BEAN1: variants seen among roughly 807,000 people sequenced by gnomAD.
BEAN1 encodes protein BEAN1.
A neutral mutation model predicts 17.7 loss-of-function variants in BEAN1; 17 were observed. That is an observed-to-expected ratio of 0.96 (90% confidence interval 0.66 to 1.44). The LOEUF (loss-of-function observed/expected upper bound fraction) is 1.44, where lower values mean the gene tolerates loss of function less well. Among genes scored for constraint, BEAN1 ranks in the 40% most tolerant of loss-of-function variants. The pLI, the probability that BEAN1 is intolerant of heterozygous loss-of-function variation, is 0.00. For synonymous variants in BEAN1, 142 were observed against 151.8 expected, an observed-to-expected ratio of 0.94 and a Z score of 0.47; for missense variants, 359 against 374.1, an observed-to-expected ratio of 0.96 and a Z score of 0.33.
At chr16:66,493,247 C>A (rs1212154224) in exon 5 of BEAN1, 1 of 702,998 alleles carries the variant, frequency 1.4e-6, no homozygotes, top group Non-Finnish European at 2.6e-6. Flanking sequence ...GCTGGTGAAG[C>A]CCTGCAGCTG....
chr16:66,492,776 C>T (rs915565992), intron 4 of BEAN1, among the ~76,000 whole-genome samples: 5 of 152,148 alleles, frequency 3.3e-5, no homozygotes, highest in African/African-American at 1.2e-4. Flanking sequence ...CCTGCTTTGT[C>T]TTTGAGCCTC....
chr16:66,474,091 A>G (rs1963596656), intron 3 of BEAN1, among the ~76,000 whole-genome samples: 1 of 152,198 alleles, frequency 6.6e-6, no homozygotes, highest in Non-Finnish European at 1.5e-5. Context: ...AGGTGTCCAC[A>G]GAGGCCTGAT....
intron 3 of BEAN1, among the ~76,000 whole-genome samples, chr16:66,476,942 T>C (rs946456414): frequency 3.9e-5 from 6 of 152,050 alleles, no homozygotes; most frequent in East Asian, 1.9e-4. Context: ...CCCCTTTTTT[T>C]CCCCAAGATA....
At chr16:66,493,379 C>G (rs1964204647) in exon 5 of BEAN1, 2 of 643,736 alleles carry the variant, frequency 3.1e-6, no homozygotes, top group Non-Finnish European at 5.6e-6. Flanking sequence ...GCCCATGGCT[C>G]TGAGCCCATC....
intron 2 of BEAN1, among the ~76,000 whole-genome samples, chr16:66,447,554 A>G (rs1312330730): frequency 2.0e-5 from 3 of 152,128 alleles, no homozygotes; most frequent in Non-Finnish European, 4.4e-5. Context: ...CAGGGAGAGA[A>G]CACATCTTCT....
Position 66,470,125 on chromosome 16 carries a change from C to T in BEAN1, c.289+260C>T, listed in dbSNP as rs945736897. On this transcript the variant is annotated intron_variant, in intron 3 of 4. Transcript: ENST00000536005. Reference sequence around the variant, plus strand: ...GGAGAGTGTGTCACTCCTCCCCTGCCACTGTTGGTCCAGGCTGCACCAAGG... The same window carrying T: ...GGAGAGTGTGTCACTCCTCCCCTGCTACTGTTGGTCCAGGCTGCACCAAGG... 3 of 580,374 alleles carry T rather than the reference C, an allele frequency of 5.2e-6. No homozygotes were observed. The East Asian group carries it at 8.7e-5, about 17-fold the overall frequency. 36.0% of individuals were successfully genotyped at this position (580,374 alleles called of 1,614,324 possible). A position where few individuals can be genotyped will look rare whatever the true frequency, so the allele number is the denominator to read the frequency against.
intron 2 of BEAN1, among the ~76,000 whole-genome samples, chr16:66,455,650 T>C (rs1256465861): frequency 2.0e-5 from 3 of 151,862 alleles, no homozygotes; most frequent in African/African-American, 7.3e-5. Context: ...AGAGGTATAG[T>C]GGACAATACC....
rs538622766 is a variant in BEAN1, at chr16:66,430,836, T to G, written c.-83+3405T>G. Among the ~76,000 whole-genome samples, 164 of 152,356 alleles carry G rather than the reference T, an allele frequency of 1.1e-3. 1 individual carries two copies. Among genetic ancestry groups the G allele is most frequent in the Non-Finnish European group, 1.6e-3 (106 of 68,034 alleles). On this transcript the variant is annotated intron_variant, in intron 1 of 4. Transcript: ENST00000536005. ...TTTGACTGTTTTGTTCACTATATCC[T>G]CAGAGCCTAGACTAGTACCCAGCAC...
chr16:66,443,077 CT>C, intron 2 of BEAN1, among the ~76,000 whole-genome samples: 1 of 152,332 alleles, frequency 6.6e-6, no homozygotes, highest in East Asian at 1.9e-4. Flanking sequence ...TTGTAGCACT[CT>C]TTCCCACTGA....
chr16:66,483,303 GC>G, downstream of BEAN1: 1 of 157,944 alleles, frequency 6.3e-6, no homozygotes, highest in South Asian at 1.7e-4. Flanking sequence ...TACAGGAGTT[GC>G]TTTTTTTTTT....
At position 66,469,857 on chromosome 16, in the gene BEAN1, A is replaced by ACGGC. The variant is rs773454613; in HGVS notation, c.282_285dup (p.Tyr96ArgfsTer35). 5.8e-5 allele frequency: 89 copies of ACGGC among 1,533,626 alleles called. No individual in the cohort carries two copies. Among genetic ancestry groups the ACGGC allele is most frequent in the Non-Finnish European group, 7.3e-5 (84 of 1,146,202 alleles). On this transcript the variant is annotated frameshift_variant, in exon 3 of 5. Coordinates refer to ENST00000536005, the MANE Select transcript of BEAN1 (RefSeq NM_001178020.3). LOFTEE classifies it high-confidence loss of function. ...CGGCGTCGACACCGAGAGTACGAGC[A>ACGGC]CGGCTACGGTGAGCCGCCGCCCACC... is the stretch of plus-strand genomic sequence containing the variant.
chr16:66,446,657 G>C (rs1962467684), intron 2 of BEAN1, among the ~76,000 whole-genome samples: 1 of 152,072 alleles, frequency 6.6e-6, no homozygotes, highest in Non-Finnish European at 1.5e-5. Flanking sequence ...TGTGGGGAAG[G>C]GAAGGGTCAA....
chr16:66,475,602 C>G (rs773030794), intron 3 of BEAN1: 5 of 152,246 alleles, frequency 3.3e-5, no homozygotes, highest in Admixed American at 6.5e-5. Flanking sequence ...CCAGTCTCAC[C>G]TTGTTGCTGT....
chr16:66,437,749 C>A, intron 2 of BEAN1, 48 bp downstream of exon 2: 3 of 1,513,396 alleles, frequency 2.0e-6, no homozygotes, highest in Non-Finnish European at 2.7e-6. Flanking sequence ...CAGGCAAGGG[C>A]AGAGCTTGGA....
chr16:66,448,484 A>G (rs181027022), intron 2 of BEAN1, among the ~76,000 whole-genome samples: 86 of 152,338 alleles, frequency 5.6e-4, no homozygotes, highest in Middle Eastern at 6.8e-3. Context: ...TGCACCAACC[A>G]TCAGTGCAAG....
intron 2 of BEAN1, among the ~76,000 whole-genome samples, 185 bp from the exon 3 acceptor site, chr16:66,469,417 A>C (rs1242379647): frequency 6.6e-6 from 1 of 152,222 alleles, no homozygotes; most frequent in Non-Finnish European, 1.5e-5. Context: ...AGGCTCCTGC[A>C]GGCAGCGGAG....
At chr16:66,485,417 C>T (rs1309356627), downstream of BEAN1, 4 of 335,030 alleles carry the variant, frequency 1.2e-5, no homozygotes, top group South Asian at 9.6e-5. Context: ...CCTGCATGTC[C>T]AGGCTCTTGG....
Position 66,481,368 on chromosome 16 carries a change from C to A in BEAN1, c.*443C>A, listed in dbSNP as rs1320726469. The A allele has an allele frequency of 4.8e-5, 19 of 398,266 alleles. No individual in the cohort carries two copies. In the East Asian group the frequency reaches 6.1e-4, roughly 13 times the overall value. The allele number at this position is 398,266 out of a possible 1,614,324, so 24.7% of individuals were successfully genotyped here. ...TATTCTGCCTCTGGAAACTGCTGGA[C>A]CATCCAAGGTCAGCTGCCTGCCCTG... On this transcript the variant is annotated 3_prime_UTR_variant, in exon 5 of 5. Transcript: ENST00000536005. This position sits in a 1 kb window ranked among gnomAD's most constrained non-coding sequence, Gnocchi z 4.1.
chr16:66,486,658 T>C (rs1597056753), downstream of BEAN1, among the ~76,000 whole-genome samples: 1 of 151,614 alleles, frequency 6.6e-6, no homozygotes, highest in South Asian at 2.1e-4. Flanking sequence ...CTGTGGAGGG[T>C]GGAAGAGGAG....
Sources: gnomAD v4.1 joint callset for allele counts (sites outside exome capture counted in the v4.1 genomes callset) on GRCh38, gnomAD v4.1.1 for gene constraint, Gnocchi (gnomAD v3.1) non-coding constraint, MANE v1.5 for transcripts, NCBI Gene and HGNC (gene_info 2026-07-23, HGNC 2026-07-21) for gene names.